The following FIP1L1 variants were observed in gnomAD, a reference collection of about 807,000 sequenced individuals.
The protein encoded by FIP1L1 is factor interacting with PAPOLA and CPSF1.
In FIP1L1, 21 loss-of-function variants were observed where a neutral mutation model predicts 84.6. That is an observed-to-expected ratio of 0.25 (90% confidence interval 0.18 to 0.36). The LOEUF (loss-of-function observed/expected upper bound fraction) is 0.36, where lower values mean the gene tolerates loss of function less well. FIP1L1 is among the 10% of genes least tolerant of loss of function. The pLI, the probability that FIP1L1 is intolerant of heterozygous loss-of-function variation, is 1.00. For missense variants in FIP1L1, 526 were observed against 751.1 expected, an observed-to-expected ratio of 0.70 and a Z score of 3.50; for synonymous variants, 263 against 242.3, an observed-to-expected ratio of 1.09 and a Z score of -0.80.
intron 10 of FIP1L1, among the ~76,000 whole-genome samples, chr4:53,403,757 G>C (rs995896290): frequency 6.6e-6 from 1 of 152,126 alleles, no homozygotes; most frequent in African/African-American, 2.4e-5. Context: ...AGGAGTATTG[G>C]GCTCGTTCTG....
intron 10 of FIP1L1, among the ~76,000 whole-genome samples, chr4:53,406,266 A>G (rs1560517261): frequency 1.3e-5 from 2 of 152,194 alleles, no homozygotes; most frequent in South Asian, 2.1e-4. Context: ...CTATTGAGAT[A>G]ATCGTGGTTT....
intron 5 of FIP1L1, among the ~76,000 whole-genome samples, chr4:53,387,209 T>G (rs1741564276): frequency 6.6e-6 from 1 of 152,200 alleles, no homozygotes; most frequent in Non-Finnish European, 1.5e-5. Flanking sequence ...ACACCTGTAG[T>G]CCCATGGACT....
At position 53,446,830 on chromosome 4, in the gene FIP1L1, T is replaced by G. The variant is rs6839580; in HGVS notation, c.1285+2727T>G. Among the ~76,000 whole-genome samples the G allele has an allele frequency of 7.2e-3, 1,092 of 152,290 alleles. 14 individuals carry two copies. Among genetic ancestry groups the G allele is most frequent in the African/African-American group, 0.025 (1,022 of 41,578 alleles). ...AGAATATTTTATTTTTTAAAAATGC[T>G]AACTTGGTATTTAACTTTTTCTCAA... is the stretch of plus-strand genomic sequence containing the variant. On this transcript the variant is annotated intron_variant, in intron 15 of 17. Transcript: ENST00000337488.
At chr4:53,403,938 T>G (rs890093984) in intron 10 of FIP1L1, among the ~76,000 whole-genome samples, 6 of 152,056 alleles carry the variant, frequency 3.9e-5, no homozygotes, top group African/African-American at 1.2e-4. Context: ...AGTTTGGCTT[T>G]GGGAAGTGCT....
rs746200779 is a variant in FIP1L1, at chr4:53,439,025, C to T, written c.1175-3628C>T. 3.1e-4 allele frequency among the ~76,000 whole-genome samples: 47 copies of T among 152,002 alleles called. 1 individual carries two copies. Among genetic ancestry groups the T allele is most frequent in the African/African-American group, 8.7e-4 (36 of 41,472 alleles). Reference sequence around the variant, plus strand: ...TACAAATCTGTATCTTATAAATCTACGAAAATAATCATGTATTTACTTATG... The same window carrying T: ...TACAAATCTGTATCTTATAAATCTATGAAAATAATCATGTATTTACTTATG... On this transcript the variant is annotated intron_variant, in intron 13 of 17. Coordinates refer to ENST00000337488, the MANE Select transcript of FIP1L1 (RefSeq NM_030917.4).
At chr4:53,428,344 T>C (rs1196173691) in intron 13 of FIP1L1, 161 bp downstream of exon 13, 2 of 590,518 alleles carry the variant, frequency 3.4e-6, no homozygotes, top group African/African-American at 1.9e-5. Context: ...TATATGTTTA[T>C]TGCTATTTCA....
At chr4:53,396,119 A>G (rs1263355654) in intron 9 of FIP1L1, among the ~76,000 whole-genome samples, 1 of 152,066 alleles carries the variant, frequency 6.6e-6, no homozygotes, top group Non-Finnish European at 1.5e-5. Context: ...GGGTTTTGCC[A>G]TGTTGGCCAG....
chr4:53,398,709 T>C (rs1748690516), intron 9 of FIP1L1, among the ~76,000 whole-genome samples: 3 of 152,066 alleles, frequency 2.0e-5, no homozygotes, highest in African/African-American at 4.8e-5. Flanking sequence ...AAAAGGTGAG[T>C]ATAAAAGCAG....
At chr4:53,434,497 G>C (rs2150111482) in intron 13 of FIP1L1, among the ~76,000 whole-genome samples, 1 of 148,696 alleles carries the variant, frequency 6.7e-6, no homozygotes, top group East Asian at 2.0e-4. Context: ...TTGAGATGAA[G>C]TTTTGTTCTT....
intron 9 of FIP1L1, among the ~76,000 whole-genome samples, chr4:53,396,313 A>C (rs975451142): frequency 3.3e-5 from 5 of 152,238 alleles, no homozygotes; most frequent in African/African-American, 1.2e-4. Flanking sequence ...AAAGGAAATA[A>C]AACATTGGCT....
Position 53,460,661 on chromosome 4 carries a change from G to T in FIP1L1, c.*1212G>T. 2.6e-6 allele frequency: 1 copy of T among 381,946 alleles called. No homozygotes were observed. Among genetic ancestry groups the T allele is most frequent in the Non-Finnish European group, 4.6e-6 (1 of 217,574 alleles). The allele number at this position is 381,946 out of a possible 1,614,324, so 23.7% of individuals were successfully genotyped here. A position where few individuals can be genotyped will look rare whatever the true frequency, so the allele number is the denominator to read the frequency against. The stretch of plus-strand genomic sequence containing the variant: ...TTGTTTTAGGGCTTTTTATTGAATA[G>T]AAAAAATATAAACAATGTTGTAGAG... On this transcript the variant is annotated 3_prime_UTR_variant, in exon 18 of 18. Transcript: ENST00000337488.
intron 5 of FIP1L1, among the ~76,000 whole-genome samples, chr4:53,385,830 GAAAGT>G (rs778643572): frequency 1.1e-4 from 17 of 152,076 alleles, no homozygotes; most frequent in Middle Eastern, 6.8e-3. Flanking sequence ...TATGCATTTC[GAAAGT>G]AAAGTACAGG....
At chr4:53,396,234 A>G (rs979271012) in intron 9 of FIP1L1, among the ~76,000 whole-genome samples, 2 of 152,068 alleles carry the variant, frequency 1.3e-5, no homozygotes, top group Non-Finnish European at 2.9e-5. Flanking sequence ...TGTATTTTAG[A>G]TGTTAACTTT....
At chr4:53,441,797 C>T (rs765525173) in intron 13 of FIP1L1, among the ~76,000 whole-genome samples, 1 of 151,846 alleles carries the variant, frequency 6.6e-6, no homozygotes, top group Non-Finnish European at 1.5e-5. Context: ...AGGACAGTGT[C>T]TGAATTGTAG....
intron 15 of FIP1L1, among the ~76,000 whole-genome samples, chr4:53,447,384 G>A (rs1774665670): frequency 1.3e-5 from 2 of 151,888 alleles, no homozygotes; most frequent in Non-Finnish European, 2.9e-5. Flanking sequence ...ATTCTACTGT[G>A]GTAAAATGAG....
intron 3 of FIP1L1, among the ~76,000 whole-genome samples, chr4:53,380,126 T>C (rs1291735871): frequency 6.6e-6 from 1 of 152,222 alleles, no homozygotes; most frequent in African/African-American, 2.4e-5. Context: ...AGTTACCATG[T>C]GAGTCCTCCA....
At chr4:53,420,209 A>ACAAAG (rs762465466) in intron 11 of FIP1L1, among the ~76,000 whole-genome samples, 1 of 141,040 alleles carries the variant, frequency 7.1e-6, no homozygotes, top group African/African-American at 2.8e-5. Context: ...AAAAAAAAAA[A>ACAAAG]AAAAAAAAAA....
chr4:53,412,206 G>T (rs1757545460), intron 10 of FIP1L1, among the ~76,000 whole-genome samples: 1 of 151,966 alleles, frequency 6.6e-6, no homozygotes, highest in African/African-American at 2.4e-5. Flanking sequence ...AATATTAATT[G>T]TAGGCATCAT....
At chr4:53,396,640 G>A (rs1345118219) in intron 9 of FIP1L1, among the ~76,000 whole-genome samples, 4 of 151,788 alleles carry the variant, frequency 2.6e-5, no homozygotes, top group African/African-American at 7.3e-5. Context: ...TCCTGACCTC[G>A]TGATCCACCC....
Sources: gnomAD v4.1 joint callset for allele counts (sites outside exome capture counted in the v4.1 genomes callset) on GRCh38, gnomAD v4.1.1 for gene constraint, MANE v1.5 for transcripts, NCBI Gene and HGNC (gene_info 2026-07-23, HGNC 2026-07-21) for gene names.